Variants in SNRPD3 observed in about 807,000 individuals in gnomAD.
SNRPD3 encodes small nuclear ribonucleoprotein Sm D3.
For synonymous variants in SNRPD3, 66 were observed against 58.4 expected, an observed-to-expected ratio of 1.13 and a Z score of -0.59; for missense variants, 73 against 167.5, an observed-to-expected ratio of 0.44 and a Z score of 3.11.
chr22:24,566,688 A>G (rs1413368534), intron 2 of SNRPD3, among the ~76,000 whole-genome samples: 6 of 152,274 alleles, frequency 3.9e-5, no homozygotes, highest in South Asian at 2.1e-4. Context: ...ACATCTTTCT[A>G]CAATAAGGGC....
Position 24,572,437 on chromosome 22 carries a change from A to G in SNRPD3, c.*460A>G. ...AGCTGTCATCAGCTCAGCTTTAACA[A>G]CACAGGTGACTCTTTCCCTTGATAA... On this transcript the variant is annotated 3_prime_UTR_variant, in exon 4 of 4. Coordinates refer to ENST00000215829, the MANE Select transcript of SNRPD3 (RefSeq NM_004175.5). 2.8e-6 allele frequency: 1 copy of G among 357,810 alleles called. No individual in the cohort carries two copies. Among genetic ancestry groups the G allele is most frequent in the Non-Finnish European group, 5.2e-6 (1 of 193,884 alleles). The allele number at this position is 357,810 out of a possible 1,614,324, so 22.2% of individuals were successfully genotyped here. A position where few individuals can be genotyped will look rare whatever the true frequency, so the allele number is the denominator to read the frequency against.
rs559011205 is a variant in SNRPD3 at position 24,573,472 on chromosome 22, A to G, written c.*1495A>G. Among the ~76,000 whole-genome samples the G allele has an allele frequency of 6.6e-5, 10 of 152,366 alleles. No individual in the cohort carries two copies. The East Asian group carries it at 1.5e-3, about 24-fold the overall frequency. On this transcript the variant is annotated 3_prime_UTR_variant, in exon 4 of 4. Transcript: ENST00000215829. ...CAGCACATTAGTTAACCTGGCATCA[A>G]TTAATGAGGTTCTAATAAGCTTTGT...
intron 2 of SNRPD3, among the ~76,000 whole-genome samples, chr22:24,565,648 TTTTG>T (rs1200285357): frequency 3.9e-5 from 6 of 152,034 alleles, no homozygotes; most frequent in East Asian, 1.9e-4. Context: ...AAAACACGTT[TTTTG>T]TTTGTTTGGT....
At chr22:24,568,454 G>T (rs2147129129) in intron 3 of SNRPD3, among the ~76,000 whole-genome samples, 1 of 151,958 alleles carries the variant, frequency 6.6e-6, no homozygotes, top group Admixed American at 6.6e-5. Flanking sequence ...CAATTCTCCT[G>T]CCTCAGCCTT....
rs1569029108 is a variant in SNRPD3 at position 24,573,537 on chromosome 22, A to G, written c.*1560A>G. 6.6e-6 allele frequency among the ~76,000 whole-genome samples: 1 copy of G among 152,220 alleles called. No homozygotes were observed. The highest frequency in any genetic ancestry group is 1.5e-5 in the Non-Finnish European group (1 of 68,046). On this transcript the variant is annotated 3_prime_UTR_variant, in exon 4 of 4. Transcript: ENST00000215829. ...TGGAGGTTACAGAGCTGGTATTCTG[A>G]GGAATAAGCATCAGTGAGTTGGTCA...
At position 24,572,829 on chromosome 22, in the gene SNRPD3, G is replaced by A. The variant is rs1941531858; in HGVS notation, c.*852G>A. 1 of 152,248 alleles carries A rather than the reference G, an allele frequency of 6.6e-6. No individual in the cohort carries two copies. Among genetic ancestry groups the A allele is most frequent in the African/African-American group, 2.4e-5 (1 of 41,350 alleles). 9.4% of individuals were successfully genotyped at this position (152,248 alleles called of 1,614,324 possible). On this transcript the variant is annotated 3_prime_UTR_variant, in exon 4 of 4. Coordinates refer to ENST00000215829, the MANE Select transcript of SNRPD3 (RefSeq NM_004175.5). Reference sequence around the variant, plus strand: ...TTGGCTCGTATACTGGCTACAACAAGTAGTTTTGTGGTGATTTGTGGAAAC... The same window carrying A: ...TTGGCTCGTATACTGGCTACAACAAATAGTTTTGTGGTGATTTGTGGAAAC...
intron 2 of SNRPD3, among the ~76,000 whole-genome samples, chr22:24,558,294 C>T (rs961462413): frequency 4.6e-5 from 7 of 152,208 alleles, no homozygotes; most frequent in Admixed American, 1.3e-4. Context: ...TTAAAGGGCT[C>T]ATCACTCTGA....
chr22:24,564,487 A>T (rs542553301), intron 2 of SNRPD3, among the ~76,000 whole-genome samples: 1 of 152,328 alleles, frequency 6.6e-6, no homozygotes, highest in Non-Finnish European at 1.5e-5. Flanking sequence ...ATACAAACAC[A>T]GGTCAGGCTT....
intron 3 of SNRPD3, among the ~76,000 whole-genome samples, chr22:24,569,866 C>T (rs1387461731): frequency 2.0e-5 from 3 of 152,206 alleles, no homozygotes; most frequent in Non-Finnish European, 2.9e-5. Context: ...CTGGAAGGGT[C>T]GCAAGCACAA....
Position 24,573,350 on chromosome 22 carries a change from A to G in SNRPD3, c.*1373A>G, listed in dbSNP as rs909156028. Among the ~76,000 whole-genome samples, 2 of 152,258 alleles carry G rather than the reference A, an allele frequency of 1.3e-5. No homozygotes were observed. The highest frequency in any genetic ancestry group is 4.8e-5 in the African/African-American group (2 of 41,472). On this transcript the variant is annotated 3_prime_UTR_variant, in exon 4 of 4. Coordinates refer to ENST00000215829, the MANE Select transcript of SNRPD3 (RefSeq NM_004175.5). ...TATTCATTATGGTATGAGCTACAGC[A>G]TAAGCCATCAAGAGGAAAACTGATC... is the stretch of plus-strand genomic sequence containing the variant.
At position 24,573,030 on chromosome 22, in the gene SNRPD3, C is replaced by T. The variant is rs144566747; in HGVS notation, c.*1053C>T. Among the ~76,000 whole-genome samples the T allele has an allele frequency of 1.8e-3, 273 of 152,178 alleles. 2 individuals carry two copies. The highest frequency in any genetic ancestry group is 6.3e-3 in the African/African-American group (263 of 41,532). ...CCAGCCCGCGAGACATAGTGAGACC[C>T]TGTCTCTACAAAAAATTCTAAAAAT... On this transcript the variant is annotated 3_prime_UTR_variant, in exon 4 of 4. Coordinates refer to ENST00000215829, the MANE Select transcript of SNRPD3 (RefSeq NM_004175.5).
At chr22:24,556,553 C>T (rs2045070347) in intron 1 of SNRPD3, among the ~76,000 whole-genome samples, 1 of 152,176 alleles carries the variant, frequency 6.6e-6, no homozygotes, top group Non-Finnish European at 1.5e-5. Flanking sequence ...CCCCAGTCCC[C>T]TTTCAGGCAA....
At chr22:24,569,015 A>G (rs974665875) in intron 3 of SNRPD3, among the ~76,000 whole-genome samples, 1 of 152,114 alleles carries the variant, frequency 6.6e-6, no homozygotes, top group South Asian at 2.1e-4. Context: ...GGAGAGGCCC[A>G]TCTTTTCTAG....
chr22:24,565,586 C>T (rs866333647), intron 2 of SNRPD3, among the ~76,000 whole-genome samples: 49 of 152,162 alleles, frequency 3.2e-4, no homozygotes, highest in African/African-American at 1.1e-3. Flanking sequence ...ACCTATAGGT[C>T]TTTAGGCCTA....
chr22:24,568,543 ATTTTTAATTT>A (rs977934229), intron 3 of SNRPD3, among the ~76,000 whole-genome samples: 8 of 150,042 alleles, frequency 5.3e-5, no homozygotes, highest in African/African-American at 1.5e-4. Flanking sequence ...TTTTTATTTT[ATTTTTAATTT>A]TTTTTAATTT....
At chr22:24,562,678 C>T (rs1199532101) in intron 2 of SNRPD3, among the ~76,000 whole-genome samples, 5 of 152,216 alleles carry the variant, frequency 3.3e-5, no homozygotes, top group Non-Finnish European at 5.9e-5. Flanking sequence ...CGCACCACTG[C>T]ACTCCAGCCT....
In SNRPD3 at chr22:24,569,083, C is replaced by G. The variant is rs1025396755; in HGVS notation, c.319+907C>G. ...CCTTGTCTAGTTTGCCGAGCAGACA[C>G]AGCCCGGAGCAGATGAGCTGACTCG... On this transcript the variant is annotated intron_variant, in intron 3 of 3. Transcript: ENST00000215829. 2.6e-5 allele frequency among the ~76,000 whole-genome samples: 4 copies of G among 152,272 alleles called. No individual in the cohort carries two copies. In the East Asian group the frequency reaches 7.7e-4, roughly 29 times the overall value.
chr22:24,569,267 T>G (rs778431338), intron 3 of SNRPD3, among the ~76,000 whole-genome samples: 4 of 152,208 alleles, frequency 2.6e-5, no homozygotes, highest in Non-Finnish European at 5.9e-5. Flanking sequence ...CCTAGTCTGG[T>G]CTTGCTTCTT....
intron 2 of SNRPD3, among the ~76,000 whole-genome samples, chr22:24,559,444 G>A (rs546869904): frequency 3.3e-5 from 5 of 152,244 alleles, no homozygotes; most frequent in African/African-American, 1.2e-4. Context: ...AAGCTTAATG[G>A]GTTTGTTCAA....
Sources: allele counts gnomAD v4.1 joint callset (sites outside exome capture counted in the v4.1 genomes callset), GRCh38; gene constraint gnomAD v4.1.1; transcripts MANE v1.5; gene names NCBI Gene and HGNC (gene_info 2026-07-23, HGNC 2026-07-21).